SEC16A: variants seen among roughly 807,000 people sequenced by gnomAD.
SEC16A encodes protein transport protein Sec16A.
SEC16A carries 110 observed loss-of-function variants against 221.9 expected under a neutral mutation model. The observed-to-expected ratio is 0.50, with a 90% CI of 0.42 to 0.58. The LOEUF (loss-of-function observed/expected upper bound fraction) is 0.58. Among genes scored for constraint, SEC16A ranks in the 20% least tolerant of loss-of-function variants. The pLI, the probability that SEC16A is intolerant of heterozygous loss-of-function variation, is 0.00. For synonymous variants in SEC16A, 1,393 were observed against 1,257.7 expected (o/e 1.11, Z -2.28); for missense variants, 3,165 against 3,097.8 (o/e 1.02, Z -0.52).
At chr9:136,445,164 T>C (rs1385479109) in intron 29 of SEC16A, 53 bp from the exon 30 acceptor site, 1 of 1,461,918 alleles carries the variant, frequency 6.8e-7, no homozygotes, top group African/African-American at 1.4e-5. Context: ...AACATGCACG[T>C]CACTGTCCAA....
In SEC16A at chr9:136,448,085, G is replaced by A. The variant is rs1405314341; in HGVS notation, c.6389C>T (p.Ser2130Leu). The A allele has an allele frequency of 1.2e-6, 2 of 1,611,810 alleles. No homozygotes were observed. The highest frequency in any genetic ancestry group is 2.7e-5 in the African/African-American group (2 of 74,712). The change falls in exon 24 of 32, where the codon TCG becomes TTG. Residue 2130 changes from serine (S) to leucine (L), a missense_variant and splice_region_variant. Around this residue, in one of 3 missense-constraint regions of SEC16A, gnomAD observed 1,088 missense variants for 1,089.6 expected, o/e 1.00. Coordinates refer to ENST00000684901, the MANE Select transcript of SEC16A (RefSeq NM_014866.2). ...CCGTGCGTATTTGACAGCACTCACCGATTTGTTCTTGTCATCTGGCAAATA... is the reference window on the plus strand; with the variant it reads ...CCGTGCGTATTTGACAGCACTCACCAATTTGTTCTTGTCATCTGGCAAATA... ...EAYLPDDKNKSIVWDEKKNQW... is the reference protein window; with the variant it reads ...EAYLPDDKNKLIVWDEKKNQW...
At chr9:136,462,375 G>GAGCA (rs1402689472) in intron 12 of SEC16A, among the ~76,000 whole-genome samples, 3 of 152,094 alleles carry the variant, frequency 2.0e-5, no homozygotes, top group African/African-American at 7.2e-5. Context: ...TCCTGTCTCA[G>GAGCA]GCCCCCCACC....
chr9:136,466,302 CCAGGCTGTGTGCGCTGTG>C lies in SEC16A; in HGVS notation c.4072_4089del (p.His1358_Leu1363del). 1 of 1,569,946 alleles carries C rather than the reference CCAGGCTGTGTGCGCTGTG, an allele frequency of 6.4e-7. No individual in the cohort carries two copies. Among genetic ancestry groups the C allele is most frequent in the Middle Eastern group, 1.7e-4 (1 of 6,016 alleles). On this transcript the variant is annotated inframe_deletion, in exon 7 of 32. Transcript: ENST00000684901. The surrounding 1 kb of genome is among the most constrained non-coding windows in gnomAD (Gnocchi z 5.5). ...GAGCTGAGGCTGCTGCGGCGGCTGG[CCAGGCTGTGTGCGCTGTG>C]CAGGCTCCGTGCCGAGTGCTCGCTG...
At position 136,447,106 on chromosome 9, in the gene SEC16A, C is replaced by G. The variant is rs1837105444; in HGVS notation, c.6697+121G>C. 6.6e-7 allele frequency: 1 copy of G among 1,511,294 alleles called. No individual in the cohort carries two copies. Among genetic ancestry groups the G allele is most frequent in the African/African-American group, 1.4e-5 (1 of 71,494 alleles). 93.6% of individuals were successfully genotyped at this position (1,511,294 alleles called of 1,614,324 possible). ...AAAAAAACCACAAACCAACCCCAGG[C>G]TCTCTGCATGCTGGCCAGGTCATTC... On this transcript the variant is annotated intron_variant, in intron 27 of 31. Transcript: ENST00000684901. The surrounding 1 kb of genome is among the most constrained non-coding windows in gnomAD (Gnocchi z 5.5).
At chr9:136,482,072 T>C (rs1842444686) in intron 1 of SEC16A, among the ~76,000 whole-genome samples, 1 of 152,168 alleles carries the variant, frequency 6.6e-6, no homozygotes, top group Non-Finnish European at 1.5e-5. Flanking sequence ...TAACCACTAT[T>C]AACAGTAAAC....
chr9:136,480,960 A>T (rs115481751), intron 1 of SEC16A, among the ~76,000 whole-genome samples: 3 of 152,036 alleles, frequency 2.0e-5, no homozygotes, highest in African/African-American at 7.2e-5. Flanking sequence ...ACTTACAAGG[A>T]GCATTCCAAC....
chr9:136,451,177 A>G (rs1837742434), intron 23 of SEC16A, 79 bp downstream of exon 23: 6 of 1,457,676 alleles, frequency 4.1e-6, no homozygotes, highest in Non-Finnish European at 5.6e-6. Context: ...TGGTGAATTA[A>G]GAGGATGGCG....
At chr9:136,464,363 C>A in intron 9 of SEC16A, 57 bp downstream of exon 9, 1 of 1,513,814 alleles carries the variant, frequency 6.6e-7, no homozygotes, top group Admixed American at 2.1e-5. Flanking sequence ...AACTGCAAAG[C>A]AGAGAGTTCC....
chr9:136,451,196 A>G (rs1837745568), intron 23 of SEC16A, 60 bp downstream of exon 23: 1 of 1,543,796 alleles, frequency 6.5e-7, no homozygotes, highest in African/African-American at 1.4e-5. Context: ...CGCTCTGGGA[A>G]GCGTGCCTCC....
Position 136,468,425 on chromosome 9 carries a change from G to A in SEC16A, c.3792C>T (p.Tyr1264=), listed in dbSNP as rs140009539. ...AGTTCCTTGACATACCTCCATAATCGTACTGGCTGGAGTAATAGCTTGCAT... is the reference window on the plus strand; with the variant it reads ...AGTTCCTTGACATACCTCCATAATCATACTGGCTGGAGTAATAGCTTGCAT... ...DYYASYYSSQ[Y]DYGDPGHWDR... The change falls in exon 5 of 32, where the codon TAC becomes TAT. Residue 1264 remains tyrosine (Y), a synonymous_variant. Transcript: ENST00000684901. 7,740 of 1,608,216 alleles carry A rather than the reference G, an allele frequency of 4.8e-3. 32 individuals are homozygous for A. Among genetic ancestry groups the A allele is most frequent in the Non-Finnish European group, 5.8e-3 (6,853 of 1,174,908 alleles).
chr9:136,459,809 G>A lies in SEC16A; in HGVS notation c.5139C>T (p.Asn1713=). 1.9e-6 allele frequency: 3 copies of A among 1,613,428 alleles called. No individual in the cohort carries two copies. Among genetic ancestry groups the A allele is most frequent in the Non-Finnish European group, 2.5e-6 (3 of 1,179,652 alleles). ...TCCTGGACTCGACGTCCATGTTGTT[G>A]TTCAAGTTGGACAAGACCATGGCGA... ...PHLAMVLSNL[N]NNMDVESRTM... The change falls in exon 15 of 32, where the codon AAC becomes AAT. Residue 1713 remains asparagine, a synonymous_variant. Coordinates refer to ENST00000684901, the MANE Select transcript of SEC16A (RefSeq NM_014866.2). This position sits in a 1 kb window ranked among gnomAD's most constrained non-coding sequence, Gnocchi z 6.1.
intron 19 of SEC16A, 78 bp downstream of exon 19, chr9:136,455,975 A>G: frequency 2.3e-6 from 3 of 1,292,946 alleles, no homozygotes; most frequent in Non-Finnish European, 3.3e-6. Context: ...TTACAGATAC[A>G]TACTTTCAGT....
upstream of SEC16A, chr9:136,483,789 G>C (rs561489356): frequency 2.0e-6 from 2 of 985,452 alleles, no homozygotes; most frequent in East Asian, 1.1e-4. Context: ...AGGCTGGAGG[G>C]CAGGCGGCGG....
chr9:136,468,008 C>T (rs1418974039), intron 5 of SEC16A, among the ~76,000 whole-genome samples: 1 of 152,238 alleles, frequency 6.6e-6, no homozygotes, highest in African/African-American at 2.4e-5. Context: ...CTGCCAGCCT[C>T]CTGTGGTCAG....
intron 31 of SEC16A, among the ~76,000 whole-genome samples, chr9:136,442,156 C>T (rs925765287): frequency 6.6e-6 from 1 of 152,232 alleles, no homozygotes; most frequent in Non-Finnish European, 1.5e-5. Flanking sequence ...GGTGGCCAGG[C>T]CTGGCCTACT....
intron 30 of SEC16A, 31 bp downstream of exon 30, chr9:136,445,021 C>T: frequency 6.3e-7 from 1 of 1,589,068 alleles, no homozygotes; most frequent in East Asian, 2.3e-5. Context: ...CGCCAGCTCT[C>T]ATGTTAGTGA....
At chr9:136,443,791 G>C in intron 31 of SEC16A, 32 bp downstream of exon 31, 1 of 1,574,658 alleles carries the variant, frequency 6.4e-7, no homozygotes, top group Non-Finnish European at 8.7e-7. Context: ...GGGCGTGTTA[G>C]GGTCTCGTAG....
chr9:136,467,149 A>C, intron 5 of SEC16A, 66 bp from the exon 6 acceptor site: 2 of 1,588,372 alleles, frequency 1.3e-6, no homozygotes, highest in Non-Finnish European at 1.7e-6. Context: ...AGATATCACT[A>C]AAGAAGCGAC....
rs752848487 is a variant in SEC16A, at chr9:136,468,459, C to T, written c.3758G>A (p.Ser1253Asn). ...GGAGTAATAGCTTGCATAGTAATCG[C>T]TCTGACTGCTCCATCCACTTTTGGA... ...YSSKSGWSSQSDYYASYYSSQ... is the reference protein window; with the variant it reads ...YSSKSGWSSQNDYYASYYSSQ... Residue 1253 changes from serine (S) to asparagine (N), a missense_variant, in exon 5 of 32, where the codon AGC becomes AAC. Physicochemically the swap from Ser to Asn is conservative, Grantham distance 46. Around this residue, in one of 3 missense-constraint regions of SEC16A, gnomAD observed 2,030 missense variants for 1,923.1 expected, o/e 1.06. Coordinates refer to ENST00000684901, the MANE Select transcript of SEC16A (RefSeq NM_014866.2). 1.9e-6 allele frequency: 3 copies of T among 1,613,616 alleles called. No homozygotes were observed. The highest frequency in any genetic ancestry group is 4.5e-5 in the East Asian group (2 of 44,884).
Sources: gnomAD v4.1 joint callset for allele counts (sites outside exome capture counted in the v4.1 genomes callset) on GRCh38, gnomAD v4.1.1 for gene constraint, gnomAD v4.1.1 regional missense constraint, Gnocchi (gnomAD v3.1) non-coding constraint, MANE v1.5 for transcripts, NCBI Gene and HGNC (gene_info 2026-07-23, HGNC 2026-07-21) for gene names.